Variants in COL4A3 observed in about 807,000 individuals in gnomAD.
The protein encoded by COL4A3 is collagen alpha-3(IV) chain.
COL4A3 carries 135 observed loss-of-function variants against 217.4 expected under a neutral mutation model. The ratio of observed to expected loss-of-function variants is 0.62; its 90% CI spans 0.54 to 0.72. The LOEUF (loss-of-function observed/expected upper bound fraction) is 0.72. Among genes scored for constraint, COL4A3 ranks in the 30% least tolerant of loss-of-function variants. The pLI is 0.00. For synonymous variants in COL4A3, 690 were observed against 736.3 expected, an observed-to-expected ratio of 0.94 and a Z score of 1.02; for missense variants, 1,868 against 2,119.9, an observed-to-expected ratio of 0.88 and a Z score of 2.33.
At chr2:227,225,709 CTTT>C (rs71829862) in intron 1 of COL4A3, among the ~76,000 whole-genome samples, 32 of 126,216 alleles carry the variant, frequency 2.5e-4, no homozygotes, top group Non-Finnish European at 3.6e-4. Context: ...CTTTTTCTTT[CTTT>C]TTTTTTTTTT....
In COL4A3 at chr2:227,273,160, G is replaced by C. The variant is rs529478316; in HGVS notation, c.1927+43G>C. ...CCAGTCCTGTTTTCCGATGGAGTGG[G>C]TTGATGGTTTCTAGAGCTAACGAAG... On this transcript the variant is annotated intron_variant, in intron 26 of 51. Coordinates refer to ENST00000396578, the MANE Select transcript of COL4A3 (RefSeq NM_000091.5). The C allele has an allele frequency of 7.8e-5, 126 of 1,605,530 alleles. 1 individual carries two copies. In the South Asian group the frequency reaches 1.3e-3, roughly 17 times the overall value.
At position 227,240,203 on chromosome 2, in the gene COL4A3, G is replaced by T. The variant is rs1574658390; in HGVS notation, c.205G>T (p.Glu69Ter). 1.2e-6 allele frequency: 2 copies of T among 1,611,942 alleles called. No homozygotes were observed. Among genetic ancestry groups the T allele is most frequent in the Non-Finnish European group, 1.7e-6 (2 of 1,179,232 alleles). The change falls in exon 3 of 52, where the codon GAA becomes TAA. Residue 69 changes from glutamate (E) to a stop codon, truncating the protein, a stop_gained. Transcript: ENST00000396578. LOFTEE classifies it high-confidence loss of function. ...TGGCCAGAAAGGATTCACAGGTCCTGAAGGCTTGCCTGGACCGCAGGGACC... is the reference window on the plus strand; with the variant it reads ...TGGCCAGAAAGGATTCACAGGTCCTTAAGGCTTGCCTGGACCGCAGGGACC... ...SPGQKGFTGP[E>*]GLPGPQGPKG...
rs1422804152 is a variant in COL4A3 at position 227,164,723 on chromosome 2, C to A, written c.-4C>A. The A allele has an allele frequency of 6.5e-7, 1 of 1,530,480 alleles. No individual in the cohort carries two copies. Among genetic ancestry groups the A allele is most frequent in the Admixed American group, 2.0e-5 (1 of 50,900 alleles). 94.8% of individuals were successfully genotyped at this position (1,530,480 alleles called of 1,614,324 possible). A position where few individuals can be genotyped will look rare whatever the true frequency, so the allele number is the denominator to read the frequency against. ...CTCGCCCAGGCTCTGAGCGCGCGCC[C>A]ACCATGAGCGCCCGGACCGCCCCCA... is the stretch of plus-strand genomic sequence containing the variant. On this transcript the variant is annotated 5_prime_UTR_variant, in exon 1 of 52. Coordinates refer to ENST00000396578, the MANE Select transcript of COL4A3 (RefSeq NM_000091.5). The surrounding 1 kb of genome is among the most constrained non-coding windows in gnomAD (Gnocchi z 4.8).
chr2:227,312,082 C>G lies in COL4A3; in HGVS notation c.*212C>G. 1.2e-6 allele frequency: 1 copy of G among 801,862 alleles called. No homozygotes were observed. Among genetic ancestry groups the G allele is most frequent in the Non-Finnish European group, 1.9e-6 (1 of 524,708 alleles). The allele number at this position is 801,862 out of a possible 1,614,324, so 49.7% of individuals were successfully genotyped here. On this transcript the variant is annotated 3_prime_UTR_variant, in exon 52 of 52. Transcript: ENST00000396578. ...CTAATCTGTGCTGTTTCAAAGTTCT[C>G]TGTGGCAAAGCAGCAACTATTCACA...
At chr2:227,289,929 A>G (rs898632657) in intron 35 of COL4A3, 70 bp from the exon 36 acceptor site, 28 of 1,460,016 alleles carry the variant, frequency 1.9e-5, no homozygotes, top group Non-Finnish European at 2.7e-5. Flanking sequence ...CATGCAAGCA[A>G]CAAGTATTTA....
At position 227,256,066 on chromosome 2, in the gene COL4A3, G is replaced by A; in HGVS notation, c.929G>A (p.Ser310Asn). ...GKDGVPGFPGSEGVKGNRGFP... is the reference protein window; with the variant it reads ...GKDGVPGFPGNEGVKGNRGFP... ...GATGGTGTTCCTGGCTTCCCTGGAA[G>A]TGAGGTATAGAGTTGATTTGGCCTA... Residue 310 changes from serine (S) to asparagine (N), a missense_variant, in exon 16 of 52, where the codon AGT (serine) becomes AAT (asparagine). Coordinates refer to ENST00000396578, the MANE Select transcript of COL4A3 (RefSeq NM_000091.5). The A allele has an allele frequency of 1.9e-6, 3 of 1,613,910 alleles. No homozygotes were observed. Among genetic ancestry groups the A allele is most frequent in the Non-Finnish European group, 2.5e-6 (3 of 1,179,798 alleles).
chr2:227,204,323 A>G (rs2067015516), intron 1 of COL4A3, among the ~76,000 whole-genome samples: 1 of 152,168 alleles, frequency 6.6e-6, no homozygotes, highest in Non-Finnish European at 1.5e-5. Context: ...TTTAGCTGCC[A>G]CCTGGTACTG....
intron 1 of COL4A3, among the ~76,000 whole-genome samples, chr2:227,230,989 A>G (rs559393515): frequency 1.6e-4 from 25 of 152,352 alleles, no homozygotes; most frequent in Non-Finnish European, 3.2e-4. Context: ...TTAATTATGT[A>G]GCTGCACAAG....
At chr2:227,230,881 G>A (rs1394162862) in intron 1 of COL4A3, among the ~76,000 whole-genome samples, 3 of 152,178 alleles carry the variant, frequency 2.0e-5, no homozygotes, top group Admixed American at 6.5e-5. Flanking sequence ...CTGAACAGCA[G>A]CCAGAGAGCA....
intron 25 of COL4A3, among the ~76,000 whole-genome samples, chr2:227,271,270 G>A (rs2071218499): frequency 6.6e-6 from 1 of 152,030 alleles, no homozygotes; most frequent in Non-Finnish European, 1.5e-5. Context: ...ATAGTAGAAA[G>A]TTTAGTAAAT....
At chr2:227,256,541 G>A (rs1374071969) in intron 17 of COL4A3, 145 bp downstream of exon 17, 2 of 798,674 alleles carry the variant, frequency 2.5e-6, no homozygotes, top group African/African-American at 3.4e-5. Flanking sequence ...GAAGAAAAGA[G>A]AGATGTGGCA....
rs951104592 is a variant in COL4A3 at position 227,282,273 on chromosome 2, AAAAT to A, written c.2489-90_2489-87del. On this transcript the variant is annotated intron_variant, in intron 31 of 51. Transcript: ENST00000396578. The surrounding 1 kb of genome is among the most constrained non-coding windows in gnomAD (Gnocchi z 4.4). ...GAAGACAGAGGGAGATTCCATCTTA[AAAAT>A]ATATATATATATATATATATATATT... The A allele has an allele frequency of 4.0e-5, 17 of 427,082 alleles. No homozygotes were observed. The highest frequency in any genetic ancestry group is 1.0e-4 in the African/African-American group (2 of 19,416). The allele number at this position is 427,082 out of a possible 1,614,324, so 26.5% of individuals were successfully genotyped here. A position where few individuals can be genotyped will look rare whatever the true frequency, so the allele number is the denominator to read the frequency against.
intron 1 of COL4A3, among the ~76,000 whole-genome samples, chr2:227,219,581 G>A (rs1030149405): frequency 5.3e-5 from 8 of 152,132 alleles, no homozygotes; most frequent in Admixed American, 2.0e-4. Flanking sequence ...CCAAACGTTT[G>A]TATTCCCAGA....
intron 1 of COL4A3, among the ~76,000 whole-genome samples, chr2:227,177,860 T>C (rs1490625954): frequency 6.6e-6 from 1 of 152,152 alleles, no homozygotes; most frequent in East Asian, 1.9e-4. Flanking sequence ...AGTATCGCAA[T>C]GCTTGTGTTC....
intron 1 of COL4A3, among the ~76,000 whole-genome samples, chr2:227,193,747 G>GGGAAGGAAGGAAGGAAGGAAGGAA (rs1230168428): frequency 6.0e-5 from 2 of 33,504 alleles, no homozygotes. Flanking sequence ...GAGGGAGGGA[G>GGGAAGGAAGGAAGGAAGGAAGGAA]GGAAGGAAGG....
intron 47 of COL4A3, chr2:227,305,662 C>CAAAA (rs60985480): frequency 7.2e-6 from 1 of 139,030 alleles, no homozygotes. Context: ...GACTCTGTCT[C>CAAAA]AAAAAAAAAA....
intron 1 of COL4A3, among the ~76,000 whole-genome samples, chr2:227,212,427 A>G (rs1461912147): frequency 1.3e-5 from 2 of 152,170 alleles, no homozygotes; most frequent in Non-Finnish European, 2.9e-5. Context: ...TTGAGTCCTT[A>G]GTTCATTTGG....
intron 26 of COL4A3, among the ~76,000 whole-genome samples, chr2:227,273,929 C>G (rs1222435470): frequency 6.6e-6 from 1 of 152,046 alleles, no homozygotes; most frequent in Non-Finnish European, 1.5e-5. Context: ...CCAACATGGT[C>G]ATGTTTTACT....
chr2:227,236,402 G>A (rs2068700616), intron 1 of COL4A3, among the ~76,000 whole-genome samples: 1 of 151,526 alleles, frequency 6.6e-6, no homozygotes, highest in African/African-American at 2.4e-5. Context: ...AAGATATTCA[G>A]TTAAAGATAC....
Sources: allele counts gnomAD v4.1 joint callset (sites outside exome capture counted in the v4.1 genomes callset), GRCh38; gene constraint gnomAD v4.1.1; non-coding constraint Gnocchi (gnomAD v3.1); transcripts MANE v1.5; gene names NCBI Gene and HGNC (gene_info 2026-07-23, HGNC 2026-07-21).